Variants in PDE1C observed in about 807,000 individuals in gnomAD.
The protein encoded by PDE1C is phosphodiesterase 1C, also known as dual specificity calcium/calmodulin-dependent 3',5'-cyclic nucleotide phosphodiesterase 1C.
Under a neutral mutation model 93.1 loss-of-function variants are expected in PDE1C, and 62 were observed. The observed-to-expected ratio is 0.67, with a 90% CI of 0.54 to 0.82. PDE1C has a LOEUF of 0.82. PDE1C is among the 40% of genes least tolerant of loss of function. The pLI, the probability that PDE1C is intolerant of heterozygous loss-of-function variation, is 0.00. For missense variants in PDE1C, 742 were observed against 884.6 expected (o/e 0.84, Z 2.04); for synonymous variants, 325 against 310.1 (o/e 1.05, Z -0.50).
chr7:32,182,289 A>T (rs1464287012), intron 2 of PDE1C, among the ~76,000 whole-genome samples: 1 of 152,192 alleles, frequency 6.6e-6, no homozygotes, highest in Non-Finnish European at 1.5e-5. Context: ...ATCCTTCCCA[A>T]CTCATTTTAT....
intron 1 of PDE1C, among the ~76,000 whole-genome samples, chr7:32,387,721 G>A (rs1784664568): frequency 7.1e-6 from 1 of 141,228 alleles, no homozygotes; most frequent in African/African-American, 2.8e-5. Context: ...GGCTGGCCGG[G>A]CAGAGGGGCT....
At chr7:31,644,865 T>G in the PDE1C span, among the ~76,000 whole-genome samples, 1 of 152,224 alleles carries the variant, frequency 6.6e-6, no homozygotes, top group Non-Finnish European at 1.5e-5. Context: ...CGGGGTGAAG[T>G]GGAACCACGA....
At chr7:32,361,669 T>C (rs1430619982) in intron 1 of PDE1C, among the ~76,000 whole-genome samples, 2 of 152,128 alleles carry the variant, frequency 1.3e-5, no homozygotes, top group African/African-American at 4.8e-5. Context: ...TGGTGACACC[T>C]TCCTTAAGTC....
the PDE1C span, chr7:31,652,007 A>G: frequency 6.2e-7 from 1 of 1,605,150 alleles, no homozygotes; most frequent in Non-Finnish European, 8.5e-7. Flanking sequence ...TTGGAATTTC[A>G]GTTAGGAGAC....
chr7:32,284,983 T>G (rs1263095259), intron 1 of PDE1C, among the ~76,000 whole-genome samples: 1 of 148,962 alleles, frequency 6.7e-6, no homozygotes, highest in African/African-American at 2.5e-5. Flanking sequence ...TGAGCAGAGA[T>G]CGTGCCACTG....
intron 1 of PDE1C, among the ~76,000 whole-genome samples, chr7:32,364,045 C>G (rs971908934): frequency 6.6e-6 from 1 of 151,882 alleles, no homozygotes; most frequent in Non-Finnish European, 1.5e-5. Flanking sequence ...TAAGTGACAT[C>G]TGGGATTCAG....
intron 6 of PDE1C, among the ~76,000 whole-genome samples, chr7:31,868,948 G>C (rs1027189198): frequency 6.6e-6 from 1 of 151,420 alleles, no homozygotes; most frequent in African/African-American, 2.4e-5. Context: ...GCAAAGGTAT[G>C]CTTCATTAAT....
the PDE1C span, among the ~76,000 whole-genome samples, chr7:31,645,005 A>T: frequency 6.6e-6 from 1 of 152,168 alleles, no homozygotes; most frequent in Admixed American, 6.5e-5. Flanking sequence ...AATCCATTCC[A>T]TAAATATTTG....
At position 32,025,899 on chromosome 7, in the gene PDE1C, C is replaced by A. The variant is rs554234448; in HGVS notation, c.128+25655G>T. Reference sequence around the variant, plus strand: ...ACCTACCTAGCTGTGCCTTTTCAGGCCAACCACGTGCTGGCAGCGTCTGTT... The same window carrying A: ...ACCTACCTAGCTGTGCCTTTTCAGGACAACCACGTGCTGGCAGCGTCTGTT... On this transcript the variant is annotated intron_variant, in intron 2 of 17. Transcript: ENST00000396191. Among the ~76,000 whole-genome samples, 11 of 152,200 alleles carry A rather than the reference C, an allele frequency of 7.2e-5. No individual in the cohort carries two copies. In the South Asian group the frequency reaches 2.3e-3, roughly 32 times the overall value.
chr7:31,652,630 T>C, the PDE1C span: 524 of 1,613,816 alleles, frequency 3.2e-4, 3 homozygotes, highest in African/African-American at 6.0e-3. Context: ...CACCCAGGCA[T>C]GGCCCCGAGG....
At chr7:31,943,852 T>A (rs1041887680) in intron 2 of PDE1C, among the ~76,000 whole-genome samples, 1 of 152,186 alleles carries the variant, frequency 6.6e-6, no homozygotes. Context: ...AGTTCAGAAC[T>A]ATGGCAGAAT....
chr7:31,622,449 A>G, the PDE1C span, among the ~76,000 whole-genome samples: 27 of 151,548 alleles, frequency 1.8e-4, no homozygotes, highest in Non-Finnish European at 3.0e-4. Flanking sequence ...CAGGATTAAG[A>G]AACTCACTCA....
At chr7:31,636,592 A>G in the PDE1C span, among the ~76,000 whole-genome samples, 1 of 152,070 alleles carries the variant, frequency 6.6e-6, no homozygotes, top group Non-Finnish European at 1.5e-5. Flanking sequence ...CCTAATGCCT[A>G]TATAGTCTGG....
At chr7:31,967,070 A>T (rs2129042810) in intron 2 of PDE1C, among the ~76,000 whole-genome samples, 1 of 152,318 alleles carries the variant, frequency 6.6e-6, no homozygotes, top group South Asian at 2.1e-4. Flanking sequence ...AAGAGCAAAC[A>T]TATTCAAAAG....
chr7:31,917,853 C>A (rs893297608), intron 2 of PDE1C, among the ~76,000 whole-genome samples: 2 of 152,168 alleles, frequency 1.3e-5, no homozygotes, highest in African/African-American at 4.8e-5. Context: ...TACCTCTGCT[C>A]TGGGAAAGCC....
At chr7:31,968,716 A>G (rs1158444897) in intron 2 of PDE1C, among the ~76,000 whole-genome samples, 1 of 152,196 alleles carries the variant, frequency 6.6e-6, no homozygotes, top group African/African-American at 2.4e-5. Context: ...ACTATACTAC[A>G]AGGCTACAGT....
At chr7:32,415,607 C>A (rs1335412126) in intron 1 of PDE1C, among the ~76,000 whole-genome samples, 5 of 151,966 alleles carry the variant, frequency 3.3e-5, no homozygotes. Context: ...AGTCTGGGGC[C>A]CCTCCTCACC....
intron 1 of PDE1C, among the ~76,000 whole-genome samples, chr7:32,396,763 C>T (rs140721669): frequency 2.0e-5 from 3 of 152,044 alleles, no homozygotes; most frequent in South Asian, 2.1e-4. Context: ...ATAAAAACAA[C>T]GTGAAACCAG....
chr7:32,415,665 C>T (rs988458812), intron 1 of PDE1C, among the ~76,000 whole-genome samples: 1 of 151,946 alleles, frequency 6.6e-6, no homozygotes, highest in Non-Finnish European at 1.5e-5. Flanking sequence ...AGCCTGAATC[C>T]GAGGACTGGG....
Sources: allele counts gnomAD v4.1 joint callset (sites outside exome capture counted in the v4.1 genomes callset), GRCh38; gene constraint gnomAD v4.1.1; transcripts MANE v1.5; gene names NCBI Gene and HGNC (gene_info 2026-07-23, HGNC 2026-07-21).